Variants in DAPP1 observed in about 807,000 individuals in gnomAD.
DAPP1 encodes the protein dual adapter for phosphotyrosine and 3-phosphotyrosine and 3-phosphoinositide.
DAPP1 carries 20 observed loss-of-function variants against 41.5 expected under a neutral mutation model. The observed-to-expected ratio is 0.48, with a 90% confidence interval of 0.34 to 0.70. The LOEUF is 0.70. DAPP1 is among the 30% of genes least tolerant of loss of function. The probability of loss-of-function intolerance (pLI) is 0.01; values close to 1 mark genes in which losing one functional copy is unlikely to be tolerated. For missense variants in DAPP1, 233 were observed against 333.4 expected (o/e 0.70, Z 2.35); for synonymous variants, 113 against 116.2 (o/e 0.97, Z 0.18).
intron 8 of DAPP1, 112 bp from the exon 9 acceptor site, chr4:99,867,995 ATAATTAACTT>A (rs1724519402): frequency 6.8e-6 from 6 of 886,496 alleles, no homozygotes; most frequent in Non-Finnish European, 1.1e-5. Context: ...TGAGCACATG[ATAATTAACTT>A]AGAGTTGTAT....
Position 99,868,292 on chromosome 4 carries a change from C to A in DAPP1, c.*107C>A. ...TGAAAACCGACTAAGGATTTTCTTT[C>A]AAAAACAAATCAGAAGCAGATGCTG... On this transcript the variant is annotated 3_prime_UTR_variant, in exon 9 of 9. Transcript: ENST00000512369. 1.9e-6 allele frequency: 2 copies of A among 1,047,188 alleles called. No homozygotes were observed. The highest frequency in any genetic ancestry group is 2.5e-5 in the East Asian group (1 of 39,702). The allele number at this position is 1,047,188 out of a possible 1,614,324, so 64.9% of individuals were successfully genotyped here. A position where few individuals can be genotyped will look rare whatever the true frequency, so the allele number is the denominator to read the frequency against.
intron 2 of DAPP1, among the ~76,000 whole-genome samples, chr4:99,837,269 T>C (rs1013165147): frequency 6.6e-6 from 1 of 152,176 alleles, no homozygotes; most frequent in African/African-American, 2.4e-5. Context: ...TAGTTTTTGA[T>C]TGAATAATTG....
intron 1 of DAPP1, among the ~76,000 whole-genome samples, chr4:99,820,999 A>G (rs978936993): frequency 2.0e-5 from 3 of 152,182 alleles, no homozygotes; most frequent in Non-Finnish European, 4.4e-5. Context: ...AATAAACAAA[A>G]TGAGTCCGTA....
At chr4:99,870,330 C>CATATAT (rs3839158), downstream of DAPP1, among the ~76,000 whole-genome samples, 13,697 of 148,658 alleles carry the variant, frequency 0.092, 725 homozygotes, top group African/African-American at 0.15. Context: ...AAACAATAAA[C>CATATAT]ATATATATAT....
At chr4:99,851,964 T>C (rs1210505402) in intron 3 of DAPP1, among the ~76,000 whole-genome samples, 1 of 152,170 alleles carries the variant, frequency 6.6e-6, no homozygotes, top group Non-Finnish European at 1.5e-5. Flanking sequence ...ACTCTCCAGA[T>C]CTTTCAAATC....
At chr4:99,854,752 A>C (rs1293930634) in intron 4 of DAPP1, among the ~76,000 whole-genome samples, 1 of 152,180 alleles carries the variant, frequency 6.6e-6, no homozygotes, top group Non-Finnish European at 1.5e-5. Flanking sequence ...ATTATCTTCC[A>C]GGAAGCCTTT....
chr4:99,868,267 T>C lies in DAPP1; in HGVS notation c.*82T>C. On this transcript the variant is annotated 3_prime_UTR_variant, in exon 9 of 9. Transcript: ENST00000512369. ...GCTGTGATCTGCAGCAGGCTTCAAA[T>C]GAAAACCGACTAAGGATTTTCTTTC... 1 of 1,247,096 alleles carries C rather than the reference T, an allele frequency of 8.0e-7. No individual in the cohort carries two copies. The allele number at this position is 1,247,096 out of a possible 1,614,324, so 77.3% of individuals were successfully genotyped here.
At chr4:99,863,924 A>G (rs1724331005) in intron 7 of DAPP1, 69 bp downstream of exon 7, 2 of 1,043,494 alleles carry the variant, frequency 1.9e-6, no homozygotes, top group South Asian at 1.4e-5. Context: ...GCTAAGGAAT[A>G]GAAAGCTGTA....
At chr4:99,866,158 G>C in intron 8 of DAPP1, 37 bp downstream of exon 8, 1 of 1,083,326 alleles carries the variant, frequency 9.2e-7, no homozygotes, top group South Asian at 1.3e-5. Flanking sequence ...CAAGTCTTGA[G>C]AAATAACATG....
At chr4:99,857,537 T>A (rs1383390594) in intron 4 of DAPP1, among the ~76,000 whole-genome samples, 1 of 152,172 alleles carries the variant, frequency 6.6e-6, no homozygotes, top group Non-Finnish European at 1.5e-5. Context: ...CTTTCTGTCT[T>A]TATTCCGTAA....
At position 99,825,654 on chromosome 4, in the gene DAPP1, C is replaced by G. The variant is rs1174799101; in HGVS notation, c.101+8640C>G. Among the ~76,000 whole-genome samples the G allele has an allele frequency of 2.0e-5, 3 of 152,224 alleles. 1 individual carries two copies. Among genetic ancestry groups the G allele is most frequent in the Non-Finnish European group, 4.4e-5 (3 of 68,032 alleles). On this transcript the variant is annotated intron_variant, in intron 1 of 8. Transcript: ENST00000512369. ...TGCTGGTTCCATCACAGAAACGTCT[C>G]TATTGGAGAGACTCTAGAGAATCTT...
intron 1 of DAPP1, among the ~76,000 whole-genome samples, chr4:99,817,955 C>T (rs942562066): frequency 1.2e-4 from 19 of 152,200 alleles, no homozygotes; most frequent in African/African-American, 4.3e-4. Flanking sequence ...GCTTGCTAGT[C>T]ACACATCAAT....
At chr4:99,857,543 C>T (rs527517331) in intron 4 of DAPP1, among the ~76,000 whole-genome samples, 17 of 151,978 alleles carry the variant, frequency 1.1e-4, no homozygotes, top group South Asian at 4.2e-4. Flanking sequence ...GTCTTTATTC[C>T]GTAATCTTTG....
intron 3 of DAPP1, among the ~76,000 whole-genome samples, chr4:99,848,009 T>C (rs1202856672): frequency 6.6e-6 from 1 of 151,782 alleles, no homozygotes; most frequent in Non-Finnish European, 1.5e-5. Flanking sequence ...AGACGGGGTT[T>C]CATCATGTTG....
chr4:99,828,007 T>C (rs914802210), intron 1 of DAPP1, among the ~76,000 whole-genome samples: 2 of 152,244 alleles, frequency 1.3e-5, no homozygotes, highest in African/African-American at 4.8e-5. Flanking sequence ...CAATTCATTG[T>C]AGCCCAAGAG....
intron 8 of DAPP1, among the ~76,000 whole-genome samples, chr4:99,867,310 G>A (rs369529181): frequency 6.6e-6 from 1 of 151,950 alleles, no homozygotes; most frequent in Non-Finnish European, 1.5e-5. Context: ...AATTATCAAA[G>A]TAACACAAAA....
At chr4:99,831,491 T>C (rs1189641114) in intron 1 of DAPP1, among the ~76,000 whole-genome samples, 2 of 152,248 alleles carry the variant, frequency 1.3e-5, no homozygotes, top group Non-Finnish European at 2.9e-5. Flanking sequence ...CTCATCCTTT[T>C]AGCACTCCAC....
intron 1 of DAPP1, among the ~76,000 whole-genome samples, chr4:99,821,870 C>T (rs1225534124): frequency 2.0e-5 from 3 of 152,160 alleles, no homozygotes; most frequent in Admixed American, 6.5e-5. Flanking sequence ...CAAAGCCAGG[C>T]CAGCATTCTA....
intron 1 of DAPP1, among the ~76,000 whole-genome samples, chr4:99,833,687 G>T (rs951887824): frequency 2.6e-5 from 4 of 152,160 alleles, no homozygotes; most frequent in African/African-American, 9.7e-5. Context: ...CATCTTCACT[G>T]ACCTAAACTG....
Sources: allele counts gnomAD v4.1 joint callset (sites outside exome capture counted in the v4.1 genomes callset), GRCh38; gene constraint gnomAD v4.1.1; transcripts MANE v1.5; gene names NCBI Gene and HGNC (gene_info 2026-07-23, HGNC 2026-07-21).